The following NEU3 variants were observed in gnomAD, a reference collection of about 807,000 sequenced individuals.
NEU3 encodes sialidase-3.
NEU3 carries 10 observed loss-of-function variants against 11.4 expected under a neutral mutation model. That is an observed-to-expected ratio of 0.88 (90% CI 0.54 to 1.49). The LOEUF is 1.49. Among genes scored for constraint, NEU3 ranks in the 40% most tolerant of loss-of-function variants. The pLI is 0.00. For synonymous variants in NEU3, 212 were observed against 228.2 expected (o/e 0.93, Z 0.64); for missense variants, 529 against 581.8 (o/e 0.91, Z 0.93).
At chr11:75,011,131 C>T (rs986924112), downstream of NEU3, among the ~76,000 whole-genome samples, 2 of 152,142 alleles carry the variant, frequency 1.3e-5, no homozygotes, top group South Asian at 2.1e-4. Flanking sequence ...TGCCTGCTTA[C>T]GGAATACAAT....
intron 2 of NEU3, among the ~76,000 whole-genome samples, chr11:75,000,488 G>A (rs1248562697): frequency 2.0e-5 from 3 of 152,166 alleles, no homozygotes; most frequent in African/African-American, 7.2e-5. Context: ...TATAGTGTTT[G>A]TCTTTTTGTG....
rs1948769277 is a variant in NEU3, at chr11:74,994,687, G to A, written c.273G>A (p.Leu91=). ...ATGAGGATGCTCTCCACCTGGTGCT[G>A]AGGCGAGGGTTGAGGATTGGGCAGT... is the stretch of plus-strand genomic sequence containing the variant. ...RRDEDALHLV[L]RRGLRIGQLV... The change falls in exon 2 of 3, where the codon CTG becomes CTA. Residue 91 remains leucine, a synonymous_variant. Coordinates refer to ENST00000294064, the MANE Select transcript of NEU3 (RefSeq NM_006656.6). 1.9e-6 allele frequency: 3 copies of A among 1,614,054 alleles called. No homozygotes were observed. The highest frequency in any genetic ancestry group is 2.5e-6 in the Non-Finnish European group (3 of 1,179,908).
chr11:75,017,578 C>T (rs567541860), intron 3 of NEU3, among the ~76,000 whole-genome samples: 90 of 152,200 alleles, frequency 5.9e-4, no homozygotes, highest in South Asian at 3.7e-3. Flanking sequence ...TTGGGGTGTC[C>T]GAGGTAGGCT....
intron 1 of NEU3, 32 bp downstream of exon 1, chr11:74,989,186 C>A: frequency 6.6e-7 from 1 of 1,508,428 alleles, no homozygotes; most frequent in South Asian, 1.2e-5. Context: ...GAGAGCTCCC[C>A]GAGGAGGACT....
chr11:75,001,113 G>A (rs1392761948), intron 2 of NEU3, among the ~76,000 whole-genome samples: 2 of 151,960 alleles, frequency 1.3e-5, no homozygotes, highest in East Asian at 1.9e-4. Flanking sequence ...CATCCCCACC[G>A]ACATTTGTCA....
At chr11:75,003,750 C>T (rs1031699453) in intron 2 of NEU3, among the ~76,000 whole-genome samples, 46 of 152,092 alleles carry the variant, frequency 3.0e-4, no homozygotes, top group African/African-American at 1.1e-3. Context: ...ATTAGCTGGA[C>T]GTGGTGGTGC....
downstream of NEU3, among the ~76,000 whole-genome samples, chr11:75,014,966 TAGA>T (rs1448285705): frequency 3.7e-4 from 57 of 152,342 alleles, no homozygotes; most frequent in African/African-American, 9.9e-4. Flanking sequence ...CTTTGGCACA[TAGA>T]AGATGTTCAA....
chr11:75,006,620 C>T lies in NEU3; in HGVS notation c.*128C>T. ...CCTACCTTTTTTCACTTTTCCTCCT[C>T]CAAAGAGCAAAATGAAAATTTTGCC... On this transcript the variant is annotated 3_prime_UTR_variant, in exon 3 of 3. Coordinates refer to ENST00000294064, the MANE Select transcript of NEU3 (RefSeq NM_006656.6). 1.7e-6 allele frequency: 2 copies of T among 1,190,648 alleles called. No homozygotes were observed. Among genetic ancestry groups the T allele is most frequent in the Admixed American group, 5.8e-5 (2 of 34,382 alleles). The allele number at this position is 1,190,648 out of a possible 1,614,324, so 73.8% of individuals were successfully genotyped here.
chr11:74,996,171 GACA>G (rs1227158218), intron 2 of NEU3, among the ~76,000 whole-genome samples: 1 of 152,002 alleles, frequency 6.6e-6, no homozygotes, highest in African/African-American at 2.4e-5. Context: ...CAAGAAATAA[GACA>G]ACAATGAAGT....
At chr11:75,016,662 C>T (rs1394085160) in intron 3 of NEU3, among the ~76,000 whole-genome samples, 1 of 152,172 alleles carries the variant, frequency 6.6e-6, no homozygotes, top group African/African-American at 2.4e-5. Context: ...AAATTGGAAA[C>T]TCAAAGGTAG....
chr11:74,987,937 G>C (rs1283087915), upstream of NEU3, among the ~76,000 whole-genome samples: 1 of 116,694 alleles, frequency 8.6e-6, no homozygotes, highest in African/African-American at 3.5e-5. Context: ...ACAGCAGGTT[G>C]TATTGAGGTT....
intron 3 of NEU3, chr11:75,018,650 C>G (rs890981043): frequency 7.9e-5 from 12 of 152,108 alleles, no homozygotes; most frequent in Non-Finnish European, 1.3e-4. Flanking sequence ...AATAAAATCC[C>G]CTTTGTATAT....
In NEU3 at chr11:74,994,588, G is replaced by T. The variant is rs1227584211; in HGVS notation, c.174G>T (p.Arg58=). ...AAGATGACAGAGGGATTACCTACCG[G>T]ATCCCAGCCCTGCTCTACATACCCC... is the stretch of plus-strand genomic sequence containing the variant. The part of the protein sequence containing the change: ...RQEDDRGITY[R]IPALLYIPPT... The change falls in exon 2 of 3, where the codon CGG becomes CGT. Residue 58 remains arginine (R), a synonymous_variant. Coordinates refer to ENST00000294064, the MANE Select transcript of NEU3 (RefSeq NM_006656.6). The T allele has an allele frequency of 1.2e-6, 2 of 1,613,864 alleles. No homozygotes were observed. Among genetic ancestry groups the T allele is most frequent in the Non-Finnish European group, 1.7e-6 (2 of 1,179,902 alleles).
the NEU3 span, among the ~76,000 whole-genome samples, chr11:74,982,075 A>G: frequency 1.3e-5 from 2 of 152,254 alleles, no homozygotes. Flanking sequence ...GCCATGGCTG[A>G]TGAATGATTT....
Position 75,006,159 on chromosome 11 carries a change from G to C in NEU3, c.1053G>C (p.Glu351Asp). ...CTCCAGGCAGTTCACTGAGGCTGGA[G>C]GAGGAAGCTGGAACACCGTCAGAAT... Reference protein sequence around the residue: ...QSSPGSSLRLEEEAGTPSESW... With the variant: ...QSSPGSSLRLDEEAGTPSESW... The change falls in exon 3 of 3, where the codon GAG becomes GAC. Residue 351 changes from glutamate to aspartate, a missense_variant. Physicochemically the swap from Glu to Asp is conservative, Grantham distance 45. Coordinates refer to ENST00000294064, the MANE Select transcript of NEU3 (RefSeq NM_006656.6). The C allele has an allele frequency of 6.2e-7, 1 of 1,614,060 alleles. No individual in the cohort carries two copies. The highest frequency in any genetic ancestry group is 8.5e-7 in the Non-Finnish European group (1 of 1,179,910).
In NEU3 at chr11:74,989,120, C is replaced by A; in HGVS notation, c.60C>A (p.Ala20=). 4 of 1,551,234 alleles carry A rather than the reference C, an allele frequency of 2.6e-6. No individual in the cohort carries two copies. The South Asian group carries it at 4.8e-5, about 18-fold the overall frequency. The part of the protein sequence containing the change: ...PMEESPASSS[A]PTETEEPGSS... Reference sequence around the variant, plus strand: ...AAGAATCCCCGGCGTCCAGCTCTGCCCCGACAGAGACGGAGGAGCCGGGGT... The same window carrying A: ...AAGAATCCCCGGCGTCCAGCTCTGCACCGACAGAGACGGAGGAGCCGGGGT... Residue 20 remains alanine, a synonymous_variant, in exon 1 of 3, where the codon GCC becomes GCA. Transcript: ENST00000294064.
intron 1 of NEU3, among the ~76,000 whole-genome samples, chr11:74,992,102 G>A (rs764694323): frequency 4.6e-5 from 7 of 152,254 alleles, no homozygotes; most frequent in Admixed American, 3.3e-4. Context: ...AGCTGAAGAA[G>A]GTGAGGGAGC....
chr11:75,006,723 C>CT lies in NEU3; in HGVS notation c.*235dup, dbSNP rs1291763658. On this transcript the variant is annotated 3_prime_UTR_variant, in exon 3 of 3. Coordinates refer to ENST00000294064, the MANE Select transcript of NEU3 (RefSeq NM_006656.6). ...TGGTCCTGGCTCTGCCACTGGCTTG[C>CT]TTTTGGACCTTGGATGTGTCACCTG... 3 of 505,720 alleles carry CT rather than the reference C, an allele frequency of 5.9e-6. No individual in the cohort carries two copies. Among genetic ancestry groups the CT allele is most frequent in the Non-Finnish European group, 1.0e-5 (3 of 288,110 alleles). 31.3% of individuals were successfully genotyped at this position (505,720 alleles called of 1,614,324 possible).
upstream of NEU3, among the ~76,000 whole-genome samples, chr11:74,987,403 C>T (rs994342104): frequency 6.6e-6 from 1 of 152,110 alleles, no homozygotes; most frequent in African/African-American, 2.4e-5. Context: ...TCTTTTATGG[C>T]TTTCTTGCTT....
Sources: gnomAD v4.1 joint callset for allele counts (sites outside exome capture counted in the v4.1 genomes callset) on GRCh38, gnomAD v4.1.1 for gene constraint, MANE v1.5 for transcripts, NCBI Gene and HGNC (gene_info 2026-07-23, HGNC 2026-07-21) for gene names.